Variants in GTPBP1 observed in about 807,000 individuals in gnomAD.
GTPBP1 encodes the protein GTP-binding protein 1.
Under a neutral mutation model 62.0 loss-of-function variants are expected in GTPBP1, and 23 were observed. The ratio of observed to expected loss-of-function variants is 0.37; its 90% CI spans 0.27 to 0.53. The LOEUF is 0.53. GTPBP1 is among the 20% of genes least tolerant of loss of function. The pLI, the probability that GTPBP1 is intolerant of heterozygous loss-of-function variation, is 0.89. For missense variants in GTPBP1, 640 were observed against 917.3 expected, an observed-to-expected ratio of 0.70 and a Z score of 3.90; for synonymous variants, 344 against 364.4, an observed-to-expected ratio of 0.94 and a Z score of 0.64.
At chr22:38,723,564 C>T in intron 5 of GTPBP1, 1 of 594,846 alleles carries the variant, frequency 1.7e-6, no homozygotes, top group East Asian at 2.8e-5. Context: ...CCTGAATTTC[C>T]ATCAGCCCAG....
downstream of GTPBP1, chr22:38,740,186 G>T (rs528435481): frequency 3.1e-5 from 44 of 1,438,256 alleles, no homozygotes; most frequent in South Asian, 4.9e-4. The surrounding 1 kb of genome is among the most constrained non-coding windows in gnomAD (Gnocchi z 4.8). Context: ...GGGGCAAGGG[G>T]TGCTGCTTTG....
chr22:38,714,830 G>A (rs1449516520), intron 2 of GTPBP1, among the ~76,000 whole-genome samples: 2 of 152,154 alleles, frequency 1.3e-5, no homozygotes, highest in African/African-American at 4.8e-5. Context: ...GGACAGCTGG[G>A]AAAGGCTGAG....
Position 38,716,327 on chromosome 22 carries a change from C to T in GTPBP1, c.485+240C>T, listed in dbSNP as rs960364566. On this transcript the variant is annotated intron_variant, in intron 3 of 11. Transcript: ENST00000216044. This position sits in a 1 kb window ranked among gnomAD's most constrained non-coding sequence, Gnocchi z 5.2. ...TTCTCTGTGGGTGTGTTTCTTTTCC[C>T]TTCAGCCTGTGAGCCTGGAAACCAG... The T allele has an allele frequency of 2.2e-5, 13 of 585,350 alleles. No homozygotes were observed. The African/African-American group carries it at 2.2e-4, about 10-fold the overall frequency. 36.3% of individuals were successfully genotyped at this position (585,350 alleles called of 1,614,324 possible). A position where few individuals can be genotyped will look rare whatever the true frequency, so the allele number is the denominator to read the frequency against.
intron 2 of GTPBP1, among the ~76,000 whole-genome samples, chr22:38,715,452 G>T (rs2092664217): frequency 6.6e-6 from 1 of 152,196 alleles, no homozygotes; most frequent in African/African-American, 2.4e-5. Context: ...CCCAGCACTT[G>T]TTGACCTAGC....
Position 38,726,191 on chromosome 22 carries a change from C to T in GTPBP1, c.1218+41C>T, listed in dbSNP as rs750172305. The T allele has an allele frequency of 2.5e-6, 4 of 1,609,314 alleles. No individual in the cohort carries two copies. Among genetic ancestry groups the T allele is most frequent in the Admixed American group, 1.7e-5 (1 of 59,900 alleles). On this transcript the variant is annotated intron_variant, in intron 7 of 11. Coordinates refer to ENST00000216044, the MANE Select transcript of GTPBP1 (RefSeq NM_004286.5). This position sits in a 1 kb window ranked among gnomAD's most constrained non-coding sequence, Gnocchi z 4.1. The stretch of plus-strand genomic sequence containing the variant: ...CGGGTAGCTGGGTGGGCACTTCCTA[C>T]AGTGGCATCAGGGGGTGGGTCTGTG...
intron 6 of GTPBP1, chr22:38,725,775 G>A: frequency 3.7e-6 from 2 of 547,096 alleles, no homozygotes; most frequent in East Asian, 6.0e-5. Context: ...GAGGACAGGT[G>A]TCAGAGACAG....
At position 38,731,448 on chromosome 22, in the gene GTPBP1, C is replaced by G. The variant is rs1303675485; in HGVS notation, c.*744C>G. On this transcript the variant is annotated 3_prime_UTR_variant, in exon 12 of 12. Transcript: ENST00000216044. ...AATGGCGATGGGATTATAGGACTCT[C>G]CCCATCTCGGGCCCTGACCCTGACC... 6.5e-6 allele frequency: 1 copy of G among 152,750 alleles called. No homozygotes were observed. Among genetic ancestry groups the G allele is most frequent in the African/African-American group, 2.4e-5 (1 of 41,460 alleles). 9.5% of individuals were successfully genotyped at this position (152,750 alleles called of 1,614,324 possible).
At chr22:38,737,826 C>A, downstream of GTPBP1, 1 of 493,692 alleles carries the variant, frequency 2.0e-6, no homozygotes, top group Non-Finnish European at 4.0e-6. This position sits in a 1 kb window ranked among gnomAD's most constrained non-coding sequence, Gnocchi z 4.1. Context: ...CTCCAGCTGG[C>A]CATGGTAGAA....
chr22:38,734,827 C>G (rs78370268), downstream of GTPBP1: 1 of 184,648 alleles, frequency 5.4e-6, no homozygotes, highest in African/African-American at 2.4e-5. Context: ...GACAGGAGAG[C>G]GCAAAACAAA....
downstream of GTPBP1, chr22:38,742,248 C>A: frequency 6.5e-7 from 1 of 1,530,816 alleles, no homozygotes; most frequent in Non-Finnish European, 8.8e-7. Flanking sequence ...GGCACCTTCA[C>A]GCTTTCCTAT....
chr22:38,724,151 T>C, intron 5 of GTPBP1, 146 bp from the exon 6 acceptor site: 3 of 596,694 alleles, frequency 5.0e-6, no homozygotes, highest in Non-Finnish European at 9.2e-6. Flanking sequence ...CCTTTTTGCT[T>C]CTCCAGGCAT....
Position 38,729,523 on chromosome 22 carries a change from C to G in GTPBP1, c.1778C>G (p.Ser593Trp). 2 of 1,609,138 alleles carry G rather than the reference C, an allele frequency of 1.2e-6. No homozygotes were observed. Among genetic ancestry groups the G allele is most frequent in the Non-Finnish European group, 1.7e-6 (2 of 1,177,940 alleles). ...NSKPQQIKMQ[S>W]TKKGPLTKRD... ...AAGCCGCAGCAGATTAAAATGCAGT[C>G]GACGAAAAAGGGCCCCCTGACGAAA... is the stretch of plus-strand genomic sequence containing the variant. Residue 593 changes from serine (S) to tryptophan (W), a missense_variant, in exon 11 of 12, where the codon TCG becomes TGG. Coordinates refer to ENST00000216044, the MANE Select transcript of GTPBP1 (RefSeq NM_004286.5).
At position 38,731,008 on chromosome 22, in the gene GTPBP1, T is replaced by G. The variant is rs2092755709; in HGVS notation, c.*304T>G. 3.5e-6 allele frequency: 1 copy of G among 286,086 alleles called. No individual in the cohort carries two copies. Among genetic ancestry groups the G allele is most frequent in the Non-Finnish European group, 5.9e-6 (1 of 169,292 alleles). 17.7% of individuals were successfully genotyped at this position (286,086 alleles called of 1,614,324 possible). A position where few individuals can be genotyped will look rare whatever the true frequency, so the allele number is the denominator to read the frequency against. On this transcript the variant is annotated 3_prime_UTR_variant, in exon 12 of 12. Coordinates refer to ENST00000216044, the MANE Select transcript of GTPBP1 (RefSeq NM_004286.5). Reference sequence around the variant, plus strand: ...TTTATTATATGTCTCTGTCTCTCTCTATTGTGTGTGTGTGTGTGTGTGTGT... The same window carrying G: ...TTTATTATATGTCTCTGTCTCTCTCGATTGTGTGTGTGTGTGTGTGTGTGT...
chr22:38,730,285 C>T lies in GTPBP1; in HGVS notation c.1918-327C>T, dbSNP rs1294312016. The stretch of plus-strand genomic sequence containing the variant: ...GTCTGTCCATTCTGTTATCTGTCTC[C>T]CATGGGTCTTTCCTCTGGTTCGTTC... On this transcript the variant is annotated intron_variant, in intron 11 of 11. Coordinates refer to ENST00000216044, the MANE Select transcript of GTPBP1 (RefSeq NM_004286.5). The surrounding 1 kb of genome is among the most constrained non-coding windows in gnomAD (Gnocchi z 5.6). 6.6e-6 allele frequency among the ~76,000 whole-genome samples: 1 copy of T among 152,224 alleles called. No homozygotes were observed. Among genetic ancestry groups the T allele is most frequent in the Non-Finnish European group, 1.5e-5 (1 of 68,036 alleles).
chr22:38,725,980 T>C, intron 6 of GTPBP1, 26 bp from the exon 7 acceptor site: 1 of 1,611,374 alleles, frequency 6.2e-7, no homozygotes, highest in East Asian at 2.2e-5. Flanking sequence ...CTCTCCTTTT[T>C]TCCTTCCTCT....
chr22:38,725,866 G>A, intron 6 of GTPBP1, 140 bp from the exon 7 acceptor site: 1 of 773,986 alleles, frequency 1.3e-6, no homozygotes, highest in East Asian at 2.5e-5. Context: ...AGCCCTTGGA[G>A]GCAGGTGAGG....
intron 2 of GTPBP1, among the ~76,000 whole-genome samples, chr22:38,709,340 C>T (rs998607297): frequency 2.0e-5 from 3 of 151,784 alleles, no homozygotes; most frequent in Non-Finnish European, 4.4e-5. Flanking sequence ...GCTTTTTGAA[C>T]TTTTCTGCTT....
chr22:38,741,035 T>C (rs916897665), downstream of GTPBP1: 13 of 1,598,258 alleles, frequency 8.1e-6, no homozygotes, highest in Non-Finnish European at 1.1e-5. Context: ...AGCTGCTGGA[T>C]GCGAGCCTCG....
downstream of GTPBP1, chr22:38,740,258 C>T: frequency 6.4e-7 from 1 of 1,558,948 alleles, no homozygotes; most frequent in Non-Finnish European, 8.7e-7. This position sits in a 1 kb window ranked among gnomAD's most constrained non-coding sequence, Gnocchi z 4.8. Flanking sequence ...CCTGGTGGTT[C>T]CCACTCACGT....
Sources: gnomAD v4.1 joint callset for allele counts (sites outside exome capture counted in the v4.1 genomes callset) on GRCh38, gnomAD v4.1.1 for gene constraint, Gnocchi (gnomAD v3.1) non-coding constraint, MANE v1.5 for transcripts, NCBI Gene and HGNC (gene_info 2026-07-23, HGNC 2026-07-21) for gene names.